PHF21B: variants seen among roughly 807,000 people sequenced by gnomAD.
The protein encoded by PHF21B is PHD finger protein 4.
Under a neutral mutation model 62.2 loss-of-function variants are expected in PHF21B, and 22 were observed. That is an observed-to-expected ratio of 0.35 (90% CI 0.25 to 0.51). The LOEUF is 0.51. Ranked by LOEUF, PHF21B falls within the 20% of genes least tolerant of loss-of-function variation. The probability of loss-of-function intolerance (pLI) is 0.97; values close to 1 mark genes in which losing one functional copy is unlikely to be tolerated. For synonymous variants in PHF21B, 341 were observed against 314.7 expected, an observed-to-expected ratio of 1.08 and a Z score of -0.88; for missense variants, 701 against 707.9, an observed-to-expected ratio of 0.99 and a Z score of 0.11.
At chr22:44,987,371 C>T (rs1216549155) in intron 2 of PHF21B, among the ~76,000 whole-genome samples, 3 of 152,128 alleles carry the variant, frequency 2.0e-5, no homozygotes, top group Admixed American at 1.3e-4. Context: ...CAGAAGGTAA[C>T]GGCCAGGCTG....
intron 2 of PHF21B, among the ~76,000 whole-genome samples, chr22:44,962,961 T>C (rs1290739938): frequency 6.6e-6 from 1 of 152,254 alleles, no homozygotes; most frequent in East Asian, 1.9e-4. Context: ...TGACTCGTTC[T>C]ACCTTTGCAT....
At chr22:45,008,487 A>C in intron 2 of PHF21B, 58 bp downstream of exon 2, 3 of 1,447,742 alleles carry the variant, frequency 2.1e-6, no homozygotes, top group Non-Finnish European at 2.8e-6. Context: ...GGGCGCCGCC[A>C]AAGTGCCCAG....
chr22:44,973,576 C>G (rs765739390), intron 2 of PHF21B, among the ~76,000 whole-genome samples: 6 of 152,198 alleles, frequency 3.9e-5, no homozygotes, highest in Non-Finnish European at 7.4e-5. Context: ...AGGGGCTCAG[C>G]GTGGGGTGGG....
chr22:44,968,031 T>C (rs1170273436), intron 2 of PHF21B, among the ~76,000 whole-genome samples: 1 of 152,088 alleles, frequency 6.6e-6, no homozygotes, highest in Non-Finnish European at 1.5e-5. Context: ...TGGCTTGTCA[T>C]TGTTGGTGTT....
At chr22:44,998,680 G>A (rs1267259536) in intron 2 of PHF21B, among the ~76,000 whole-genome samples, 1 of 152,202 alleles carries the variant, frequency 6.6e-6, no homozygotes, top group Non-Finnish European at 1.5e-5. Flanking sequence ...CAACTCAGTA[G>A]TTTCTGTATC....
Position 44,913,864 on chromosome 22 carries a change from T to C in PHF21B, c.789A>G (p.Lys263=). The C allele has an allele frequency of 6.2e-7, 1 of 1,613,890 alleles. No individual in the cohort carries two copies. The part of the protein sequence containing the change: ...EEPSQGAQAT[K]KKKEDRPPTQ... ...TCGGGGGCCGGTCTTCCTTCTTCTT[T>C]TTGGTGGCCTGAGCTCCCTGAGATG... Residue 263 remains lysine, a synonymous_variant, in exon 5 of 13, where the codon AAA becomes AAG. Transcript: ENST00000313237.
chr22:44,911,161 G>C (rs1250117940), intron 5 of PHF21B, among the ~76,000 whole-genome samples: 1 of 152,210 alleles, frequency 6.6e-6, no homozygotes, highest in African/African-American at 2.4e-5. Flanking sequence ...CAAAGCATTT[G>C]AGAGGTGACT....
At chr22:44,982,455 G>A (rs1348169134) in intron 2 of PHF21B, among the ~76,000 whole-genome samples, 3 of 152,010 alleles carry the variant, frequency 2.0e-5, no homozygotes, top group Non-Finnish European at 2.9e-5. Context: ...AAAGTCATCC[G>A]ATTACCCTAA....
intron 5 of PHF21B, among the ~76,000 whole-genome samples, chr22:44,907,163 C>G (rs1319173111): frequency 6.6e-6 from 1 of 152,236 alleles, no homozygotes; most frequent in Non-Finnish European, 1.5e-5. Context: ...CTCAGTCTGA[C>G]AGTGGCCCCG....
At chr22:44,933,523 G>A (rs962663129) in intron 2 of PHF21B, 2 of 985,472 alleles carry the variant, frequency 2.0e-6, no homozygotes, top group Non-Finnish European at 2.4e-6. Flanking sequence ...CGCGATCTGG[G>A]GAAACAGACC....
intron 2 of PHF21B, among the ~76,000 whole-genome samples, chr22:44,930,044 G>A (rs1169278498): frequency 6.6e-6 from 1 of 152,254 alleles, no homozygotes; most frequent in African/African-American, 2.4e-5. Flanking sequence ...CCAGCAGCCA[G>A]AGGGAAGAAA....
At chr22:44,992,357 C>T (rs1425094365) in intron 2 of PHF21B, among the ~76,000 whole-genome samples, 2 of 152,208 alleles carry the variant, frequency 1.3e-5, no homozygotes, top group Admixed American at 6.5e-5. Flanking sequence ...GCAGCGTGGA[C>T]GCACTCAATG....
At chr22:44,963,824 C>T (rs1342261505) in intron 2 of PHF21B, among the ~76,000 whole-genome samples, 2 of 152,242 alleles carry the variant, frequency 1.3e-5, no homozygotes, top group African/African-American at 4.8e-5. Context: ...GCTTCTCTCT[C>T]CATGTGGGGG....
At chr22:44,941,677 C>T (rs1384133594) in intron 2 of PHF21B, among the ~76,000 whole-genome samples, 1 of 152,184 alleles carries the variant, frequency 6.6e-6, no homozygotes, top group Non-Finnish European at 1.5e-5. Flanking sequence ...CTTTAAGCCT[C>T]TGCCTCGATG....
At chr22:44,983,839 A>G (rs1408869308) in intron 2 of PHF21B, among the ~76,000 whole-genome samples, 2 of 152,114 alleles carry the variant, frequency 1.3e-5, no homozygotes, top group African/African-American at 4.8e-5. Context: ...TAATATTTGC[A>G]TAAGCCTTTA....
At chr22:44,998,623 CAG>C (rs2073160129) in intron 2 of PHF21B, among the ~76,000 whole-genome samples, 1 of 152,204 alleles carries the variant, frequency 6.6e-6, no homozygotes, top group South Asian at 2.1e-4. Flanking sequence ...ACTCCCAAGT[CAG>C]GGGCCGAATC....
At chr22:44,986,382 T>A (rs2072949563) in intron 2 of PHF21B, among the ~76,000 whole-genome samples, 1 of 150,304 alleles carries the variant, frequency 6.7e-6, no homozygotes, top group Non-Finnish European at 1.5e-5. Context: ...ATGACACCCA[T>A]CACCAGGAGC....
chr22:44,996,677 AACAC>A (rs993134684), intron 2 of PHF21B, among the ~76,000 whole-genome samples: 3 of 151,560 alleles, frequency 2.0e-5, no homozygotes, highest in African/African-American at 7.3e-5. Flanking sequence ...CAGACACACA[AACAC>A]ACACACGCAT....
At chr22:44,984,488 G>C (rs1194069086) in intron 2 of PHF21B, among the ~76,000 whole-genome samples, 1 of 152,194 alleles carries the variant, frequency 6.6e-6, no homozygotes, top group Non-Finnish European at 1.5e-5. Flanking sequence ...CCCAGGTATG[G>C]GGAGGCACCA....
Sources: allele counts gnomAD v4.1 joint callset (sites outside exome capture counted in the v4.1 genomes callset), GRCh38; gene constraint gnomAD v4.1.1; transcripts MANE v1.5; gene names NCBI Gene and HGNC (gene_info 2026-07-23, HGNC 2026-07-21).